The following TMEM117 variants were observed in gnomAD, a reference collection of about 807,000 sequenced individuals.
TMEM117 encodes the protein transmembrane protein 117.
TMEM117 carries 27 observed loss-of-function variants against 52.4 expected under a neutral mutation model. The ratio of observed to expected loss-of-function variants is 0.51; its 90% confidence interval spans 0.38 to 0.71. The LOEUF is 0.71. Among genes scored for constraint, TMEM117 ranks in the 30% least tolerant of loss-of-function variants. The pLI is 0.00. For missense variants in TMEM117, 556 were observed against 630.5 expected, an observed-to-expected ratio of 0.88 and a Z score of 1.26; for synonymous variants, 215 against 206.3, an observed-to-expected ratio of 1.04 and a Z score of -0.36.
intron 7 of TMEM117, among the ~76,000 whole-genome samples, chr12:44,383,754 A>T: frequency 6.6e-6 from 1 of 152,156 alleles, no homozygotes; most frequent in Non-Finnish European, 1.5e-5. Flanking sequence ...AGCACTTTCT[A>T]TTCTGTTCTT....
chr12:44,025,920 G>A (rs974390993), intron 3 of TMEM117, among the ~76,000 whole-genome samples: 1 of 152,054 alleles, frequency 6.6e-6, no homozygotes, highest in Non-Finnish European at 1.5e-5. Context: ...ACCCATAGAG[G>A]TATGTGTATA....
intron 4 of TMEM117, among the ~76,000 whole-genome samples, chr12:44,181,570 A>G (rs1047843592): frequency 6.6e-6 from 1 of 151,924 alleles, no homozygotes; most frequent in African/African-American, 2.4e-5. Context: ...CTTTCTACAT[A>G]TGGCTAGCCA....
chr12:44,294,095 C>T (rs1343867953), intron 5 of TMEM117, among the ~76,000 whole-genome samples: 1 of 152,120 alleles, frequency 6.6e-6, no homozygotes, highest in African/African-American at 2.4e-5. Flanking sequence ...TTTAACTCTT[C>T]GTTTCCTGAA....
intron 2 of TMEM117, among the ~76,000 whole-genome samples, chr12:43,903,710 C>G (rs540526436): frequency 6.6e-6 from 1 of 152,112 alleles, no homozygotes; most frequent in East Asian, 1.9e-4. Flanking sequence ...CTAGTGAGCT[C>G]TTTCTCTTGG....
At chr12:44,182,624 C>T (rs908286935) in intron 4 of TMEM117, among the ~76,000 whole-genome samples, 2 of 152,200 alleles carry the variant, frequency 1.3e-5, no homozygotes, top group African/African-American at 4.8e-5. Flanking sequence ...GACATCTTAT[C>T]ATGTCTCTCT....
At chr12:44,276,061 A>G (rs1950507817) in intron 5 of TMEM117, among the ~76,000 whole-genome samples, 1 of 152,210 alleles carries the variant, frequency 6.6e-6, no homozygotes, top group Admixed American at 6.5e-5. Flanking sequence ...TGTATCCCAT[A>G]AATATATACA....
At chr12:44,215,416 C>T (rs977145475) in intron 5 of TMEM117, among the ~76,000 whole-genome samples, 24 of 151,956 alleles carry the variant, frequency 1.6e-4, no homozygotes, top group African/African-American at 5.3e-4. Flanking sequence ...ATTTGAAAGG[C>T]GGAAAGGGAG....
chr12:44,381,314 A>G (rs1592731530), intron 7 of TMEM117, among the ~76,000 whole-genome samples: 1 of 152,222 alleles, frequency 6.6e-6, no homozygotes, highest in South Asian at 2.1e-4. Flanking sequence ...AAGCAACTGT[A>G]TAATGATCTT....
At chr12:44,046,947 A>T (rs1226665893) in intron 3 of TMEM117, among the ~76,000 whole-genome samples, 3 of 152,096 alleles carry the variant, frequency 2.0e-5, no homozygotes, top group Non-Finnish European at 2.9e-5. Flanking sequence ...TATTGTCTTT[A>T]TTTGAAGATT....
the TMEM117 span, chr12:43,804,428 C>A: frequency 1.0e-6 from 1 of 969,966 alleles, no homozygotes. Flanking sequence ...TGACAACACA[C>A]AGTAAGTTTA....
intron 3 of TMEM117, among the ~76,000 whole-genome samples, chr12:44,131,483 A>C (rs968914075): frequency 6.6e-5 from 10 of 152,090 alleles, no homozygotes; most frequent in African/African-American, 9.7e-5. Context: ...GTTTTTCTCT[A>C]TATATCCATT....
At chr12:44,034,925 T>C (rs1246946715) in intron 3 of TMEM117, among the ~76,000 whole-genome samples, 3 of 152,180 alleles carry the variant, frequency 2.0e-5, no homozygotes, top group Admixed American at 6.5e-5. Flanking sequence ...AGGTCCTGAA[T>C]AGAACAAAAT....
At chr12:44,009,895 G>T in intron 3 of TMEM117, 1 of 273,108 alleles carries the variant, frequency 3.7e-6, no homozygotes, top group East Asian at 9.1e-5. Context: ...TACTCTTTTG[G>T]GTGGATCTCT....
intron 5 of TMEM117, among the ~76,000 whole-genome samples, chr12:44,283,928 G>A (rs1479243226): frequency 1.3e-5 from 2 of 152,130 alleles, no homozygotes; most frequent in Non-Finnish European, 2.9e-5. Context: ...GCTACTCTTA[G>A]GATAGGGTGA....
intron 2 of TMEM117, among the ~76,000 whole-genome samples, chr12:43,915,561 T>A (rs1944587064): frequency 6.6e-6 from 1 of 152,202 alleles, no homozygotes; most frequent in African/African-American, 2.4e-5. Flanking sequence ...TAAGTACTCT[T>A]GCTTGGTCAC....
intron 6 of TMEM117, among the ~76,000 whole-genome samples, chr12:44,316,648 T>G (rs1414823067): frequency 6.6e-6 from 1 of 152,230 alleles, no homozygotes; most frequent in Non-Finnish European, 1.5e-5. Flanking sequence ...CTAGGGACAC[T>G]CTTTGTACTA....
At chr12:44,291,381 T>TTTTTGTTTGTTTG (rs1555147215) in intron 5 of TMEM117, among the ~76,000 whole-genome samples, 1,816 of 147,408 alleles carry the variant, frequency 0.012, 39 homozygotes, top group African/African-American at 0.044. Context: ...ACAGTTTTTT[T>TTTTTGTTTGTTTG]TTTTTTTTTT....
At chr12:44,244,557 T>C (rs1431791617) in intron 5 of TMEM117, 1 of 152,024 alleles carries the variant, frequency 6.6e-6, no homozygotes, top group Non-Finnish European at 1.5e-5. Context: ...TTTTTTTTCT[T>C]AATATTGAAT....
chr12:44,137,728 C>T (rs933910570), intron 3 of TMEM117, among the ~76,000 whole-genome samples: 1 of 152,108 alleles, frequency 6.6e-6, no homozygotes, highest in Non-Finnish European at 1.5e-5. Flanking sequence ...GAGACCCACT[C>T]ACCATTGCGA....
Sources: allele counts gnomAD v4.1 joint callset (sites outside exome capture counted in the v4.1 genomes callset), GRCh38; gene constraint gnomAD v4.1.1; transcripts MANE v1.5; gene names NCBI Gene and HGNC (gene_info 2026-07-23, HGNC 2026-07-21).